SLFNL1: variants seen among roughly 807,000 people sequenced by gnomAD.
SLFNL1 encodes schlafen like 1, also known as schlafen-like protein 1.
SLFNL1 carries 26 observed loss-of-function variants against 32.5 expected under a neutral mutation model. The ratio of observed to expected loss-of-function variants is 0.80; its 90% CI spans 0.59 to 1.11. The LOEUF is 1.11. SLFNL1 is among the 50% of genes least tolerant of loss of function. SLFNL1 has a pLI of 0.00. For synonymous variants in SLFNL1, 255 were observed against 242.2 expected (o/e 1.05, Z -0.49); for missense variants, 553 against 546.5 (o/e 1.01, Z -0.12).
At chr1:41,018,178 A>C in intron 3 of SLFNL1, 22 bp from the exon 4 acceptor site, 2 of 1,449,956 alleles carry the variant, frequency 1.4e-6, no homozygotes, top group Non-Finnish European at 1.8e-6. Context: ...GTCAAGAATG[A>C]ATGTATGGGT....
At chr1:41,019,688 C>G (rs913332975) in intron 3 of SLFNL1, among the ~76,000 whole-genome samples, 1 of 152,338 alleles carries the variant, frequency 6.6e-6, no homozygotes, top group East Asian at 1.9e-4. Context: ...CTGGATTTCA[C>G]TTCCCCTGTT....
intron 5 of SLFNL1, 72 bp from the exon 6 acceptor site, chr1:41,016,300 C>A: frequency 6.4e-7 from 1 of 1,557,344 alleles, no homozygotes; most frequent in South Asian, 1.2e-5. Flanking sequence ...CACCTGGGGC[C>A]AAACTGAGGG....
At position 41,017,668 on chromosome 1, in the gene SLFNL1, C is replaced by G. The variant is rs1422119926; in HGVS notation, c.924G>C (p.Val308=). 6.4e-7 allele frequency: 1 copy of G among 1,552,978 alleles called. No individual in the cohort carries two copies. Among genetic ancestry groups the G allele is most frequent in the South Asian group, 1.2e-5 (1 of 81,646 alleles). The change falls in exon 4 of 6, where the codon GTG becomes GTC. Residue 308 remains valine (V), a synonymous_variant. Transcript: ENST00000302946. This position sits in a 1 kb window ranked among gnomAD's most constrained non-coding sequence, Gnocchi z 4.9. ...GGACGCTGGTCTCCGAGGTACTGAT[C>G]ACAGGGATGAAGGTGAGAGTGTAGG... is the stretch of plus-strand genomic sequence containing the variant. ...PDAYTLTFIP[V]ISTSETSVPL...
Position 41,015,880 on chromosome 1 carries a change from A to T in SLFNL1, c.*226T>A. On this transcript the variant is annotated 3_prime_UTR_variant, in exon 6 of 6. Coordinates refer to ENST00000302946, the MANE Select transcript of SLFNL1 (RefSeq NM_144990.4). ...GCAGGGTTTTACACATTCTTTCTGA[A>T]AGTAAGGTCATTTGGGGACAGGGCT... 3 of 501,650 alleles carry T rather than the reference A, an allele frequency of 6.0e-6. No homozygotes were observed. The highest frequency in any genetic ancestry group is 1.0e-5 in the Non-Finnish European group (3 of 288,480). The allele number at this position is 501,650 out of a possible 1,614,324, so 31.1% of individuals were successfully genotyped here.
rs755097422 is a variant in SLFNL1 at position 41,016,168 on chromosome 1, CCTT to C, written c.1159_1161del (p.Lys387del). ...TGCTGCAGCTGCTGCTGGAGCTGCT[CCTT>C]CTCCATCATCAGCGCCTTCATCTTC... is the stretch of plus-strand genomic sequence containing the variant. On this transcript the variant is annotated inframe_deletion, in exon 6 of 6. Coordinates refer to ENST00000302946, the MANE Select transcript of SLFNL1 (RefSeq NM_144990.4). 7.4e-6 allele frequency: 12 copies of C among 1,614,162 alleles called. No individual in the cohort carries two copies. In the South Asian group the frequency reaches 9.9e-5, roughly 13 times the overall value.
intron 5 of SLFNL1, chr1:41,016,445 G>C (rs1237375934): frequency 8.0e-6 from 5 of 623,448 alleles, no homozygotes; most frequent in Admixed American, 6.3e-5. Flanking sequence ...AGCCTCCTCC[G>C]TGCTGGGCAG....
Position 41,020,395 on chromosome 1 carries a change from G to A in SLFNL1, c.266C>T (p.Pro89Leu), listed in dbSNP as rs189387361. Residue 89 changes from proline to leucine, a missense_variant, in exon 3 of 6, where the codon CCG becomes CTG. By Grantham distance (98) the Pro-to-Leu change is moderately conservative. Coordinates refer to ENST00000302946, the MANE Select transcript of SLFNL1 (RefSeq NM_144990.4). The part of the protein sequence containing the change: ...AREHIEVVRR[P>L]RKAYALVQVT... ...CTGCACCAGTGCATAGGCCTTCCGC[G>A]GCCGCCTCACCACTTCAATGTGCTC... 3.4e-5 allele frequency: 55 copies of A among 1,613,096 alleles called. No individual in the cohort carries two copies. The highest frequency in any genetic ancestry group is 1.6e-4 in the East Asian group (7 of 44,858).
rs1643408074 is a variant in SLFNL1, at chr1:41,017,203, C to T, written c.1101+31G>A. 14 of 1,531,316 alleles carry T rather than the reference C, an allele frequency of 9.1e-6. No homozygotes were observed. Among genetic ancestry groups the T allele is most frequent in the Non-Finnish European group, 1.2e-5 (14 of 1,142,426 alleles). The allele number at this position is 1,531,316 out of a possible 1,614,324, so 94.9% of individuals were successfully genotyped here. ...GAAGGGGTCTGGGGTCAGCTCCGCT[C>T]CACCCCACCCACTGGCCTCAGCTTC... On this transcript the variant is annotated intron_variant, in intron 5 of 5. Transcript: ENST00000302946. The surrounding 1 kb of genome is among the most constrained non-coding windows in gnomAD (Gnocchi z 4.9).
chr1:41,019,871 A>ATGTT (rs1304863584), intron 3 of SLFNL1, among the ~76,000 whole-genome samples: 7 of 152,144 alleles, frequency 4.6e-5, no homozygotes, highest in African/African-American at 1.7e-4. Context: ...GGGGGTGTTC[A>ATGTT]TGTTTGTCAA....
In SLFNL1 at chr1:41,016,136, C is replaced by T; in HGVS notation, c.1194G>A (p.Gly398=). The T allele has an allele frequency of 6.2e-7, 1 of 1,614,140 alleles. No homozygotes were observed. The highest frequency in any genetic ancestry group is 8.5e-7 in the Non-Finnish European group (1 of 1,179,986). ...EQLQQQLQQH[G]PVSCTCCVL ...GGACACAGCAGGTGCAGGACACAGG[C>T]CCGTGCTGCTGCAGCTGCTGCTGGA... The change falls in exon 6 of 6, where the codon GGG becomes GGA. Residue 398 remains glycine, a synonymous_variant. Coordinates refer to ENST00000302946, the MANE Select transcript of SLFNL1 (RefSeq NM_144990.4).
At position 41,017,729 on chromosome 1, in the gene SLFNL1, A is replaced by G. The variant is rs1159790230; in HGVS notation, c.863T>C (p.Ile288Thr). 6.2e-7 allele frequency: 1 copy of G among 1,604,746 alleles called. No individual in the cohort carries two copies. Among genetic ancestry groups the G allele is most frequent in the Non-Finnish European group, 8.5e-7 (1 of 1,174,114 alleles). Residue 288 changes from isoleucine (I) to threonine (T), a missense_variant, in exon 4 of 6, where the codon ATC (isoleucine) becomes ACC (threonine). Ile to Thr is a moderately conservative substitution (Grantham distance 89). Coordinates refer to ENST00000302946, the MANE Select transcript of SLFNL1 (RefSeq NM_144990.4). The surrounding 1 kb of genome is among the most constrained non-coding windows in gnomAD (Gnocchi z 4.9). ...EDRARLLVDS[I>T]LQGFKPQIFP... ...GATCTGAGGCTTGAAGCCCTGCAGG[A>G]TGGAGTCCACCAGCAGGCGTGCGCG... is the stretch of plus-strand genomic sequence containing the variant.
Position 41,017,350 on chromosome 1 carries a change from T to G in SLFNL1, c.985A>C (p.Lys329Gln). 1 of 1,613,656 alleles carries G rather than the reference T, an allele frequency of 6.2e-7. No individual in the cohort carries two copies. The highest frequency in any genetic ancestry group is 1.7e-5 in the Admixed American group (1 of 59,998). The part of the protein sequence containing the change: ...KVIRLTVHTP[K>Q]AQSQPQLYQT... ...TAGAGTTGCGGCTGGCTCTGGGCCT[T>G]GGGGGTGTGCACGGTCAGGCGGATC... Residue 329 changes from lysine (K) to glutamine (Q), a missense_variant, in exon 5 of 6, where the codon AAG (lysine) becomes CAG (glutamine). Lys to Gln is a moderately conservative substitution (Grantham distance 53, BLOSUM62 1). Coordinates refer to ENST00000302946, the MANE Select transcript of SLFNL1 (RefSeq NM_144990.4). The surrounding 1 kb of genome is among the most constrained non-coding windows in gnomAD (Gnocchi z 4.9).
chr1:41,016,057 G>C lies in SLFNL1; in HGVS notation c.*49C>G, dbSNP rs1222026408. The C allele has an allele frequency of 6.3e-7, 1 of 1,575,482 alleles. No homozygotes were observed. The highest frequency in any genetic ancestry group is 1.8e-5 in the Admixed American group (1 of 55,052). ...CCTTACACTCAAACAGGAAATCCCT[G>C]GGTCTCAGGTGGAGAGTGCCGTGCC... is the stretch of plus-strand genomic sequence containing the variant. On this transcript the variant is annotated 3_prime_UTR_variant, in exon 6 of 6. Transcript: ENST00000302946.
In SLFNL1 at chr1:41,017,706, T is replaced by A. The variant is rs773002577; in HGVS notation, c.886A>T (p.Ile296Phe). The change falls in exon 4 of 6, where the codon ATC becomes TTC. Residue 296 changes from isoleucine (I) to phenylalanine (F), a missense_variant. Transcript: ENST00000302946. The surrounding 1 kb of genome is among the most constrained non-coding windows in gnomAD (Gnocchi z 4.9). ...GTGAGAGTGTAGGCATCGGGAAAGA[T>A]CTGAGGCTTGAAGCCCTGCAGGATG... ...DSILQGFKPQ[I>F]FPDAYTLTFI... The A allele has an allele frequency of 1.3e-5, 21 of 1,591,806 alleles. No individual in the cohort carries two copies. Among genetic ancestry groups the A allele is most frequent in the Non-Finnish European group, 1.8e-5 (21 of 1,166,792 alleles).
chr1:41,020,573 C>T lies in SLFNL1; in HGVS notation c.88G>A (p.Ala30Thr), dbSNP rs1138293. Residue 30 changes from alanine (A) to threonine (T), a missense_variant, in exon 3 of 6, where the codon GCA (alanine) becomes ACA (threonine). Transcript: ENST00000302946. ...WGEESLPELP[A>T]EQSLTEYSDL... is the part of the protein sequence containing the mutation. ...GAGTACTCCGTCAGGGACTGCTCTG[C>T]GGGTAGCTCCGGCAGGGACTCCTCA... 280,895 of 1,613,314 alleles carry T rather than the reference C, an allele frequency of 0.17. 26,263 individuals carry two copies. The highest frequency in any genetic ancestry group is 0.19 in the Non-Finnish European group (229,995 of 1,179,928).
intron 5 of SLFNL1, chr1:41,016,549 C>A: frequency 3.2e-6 from 1 of 309,360 alleles, no homozygotes; most frequent in East Asian, 8.5e-5. Flanking sequence ...GCCCCCTCTG[C>A]CGCTTTAGGG....
At chr1:41,018,878 C>G (rs1472019261) in intron 3 of SLFNL1, among the ~76,000 whole-genome samples, 1 of 147,580 alleles carries the variant, frequency 6.8e-6, no homozygotes, top group African/African-American at 2.5e-5. Flanking sequence ...CCCTGTCACC[C>G]AGGCTGGATG....
chr1:41,017,864 A>C lies in SLFNL1; in HGVS notation c.728T>G (p.Val243Gly). The C allele has an allele frequency of 6.2e-7, 1 of 1,606,682 alleles. No homozygotes were observed. Among genetic ancestry groups the C allele is most frequent in the Non-Finnish European group, 8.5e-7 (1 of 1,174,746 alleles). Reference protein sequence around the residue: ...EYLSLAFKHHVRRYVCAFLNS... With the variant: ...EYLSLAFKHHGRRYVCAFLNS... Reference sequence around the variant, plus strand: ...GAGGAAGGCGCACACGTAGCGCCGCACGTGGTGCTTGAAGGCCAGGCTGAG... The same window carrying C: ...GAGGAAGGCGCACACGTAGCGCCGCCCGTGGTGCTTGAAGGCCAGGCTGAG... The change falls in exon 4 of 6, where the codon GTG (valine) becomes GGG (glycine). Residue 243 changes from valine to glycine, a missense_variant. Transcript: ENST00000302946. This position sits in a 1 kb window ranked among gnomAD's most constrained non-coding sequence, Gnocchi z 4.9.
rs1322243176 is a variant in SLFNL1 at position 41,017,704 on chromosome 1, G to A, written c.888C>T (p.Ile296=). 1 of 1,590,850 alleles carries A rather than the reference G, an allele frequency of 6.3e-7. No homozygotes were observed. Among genetic ancestry groups the A allele is most frequent in the East Asian group, 2.2e-5 (1 of 44,578 alleles). The change falls in exon 4 of 6, where the codon ATC becomes ATT. Residue 296 remains isoleucine (I), a synonymous_variant. Coordinates refer to ENST00000302946, the MANE Select transcript of SLFNL1 (RefSeq NM_144990.4). This position sits in a 1 kb window ranked among gnomAD's most constrained non-coding sequence, Gnocchi z 4.9. ...DSILQGFKPQ[I]FPDAYTLTFI... ...AGGTGAGAGTGTAGGCATCGGGAAA[G>A]ATCTGAGGCTTGAAGCCCTGCAGGA...
Sources: gnomAD v4.1 joint callset for allele counts (sites outside exome capture counted in the v4.1 genomes callset) on GRCh38, gnomAD v4.1.1 for gene constraint, Gnocchi (gnomAD v3.1) non-coding constraint, MANE v1.5 for transcripts, NCBI Gene and HGNC (gene_info 2026-07-23, HGNC 2026-07-21) for gene names.